Variants in RPTOR observed in about 807,000 individuals in gnomAD.
RPTOR encodes regulatory-associated protein of mTOR.
RPTOR carries 21 observed loss-of-function variants against 169.9 expected under a neutral mutation model. The ratio of observed to expected loss-of-function variants is 0.12; its 90% confidence interval spans 0.09 to 0.18. RPTOR has a LOEUF of 0.18. Ranked by LOEUF, RPTOR falls within the 10% of genes least tolerant of loss-of-function variation. RPTOR has a pLI of 1.00. For synonymous variants in RPTOR, 732 were observed against 753.2 expected, an observed-to-expected ratio of 0.97 and a Z score of 0.46; for missense variants, 1,133 against 1,855.9, an observed-to-expected ratio of 0.61 and a Z score of 7.16.
intron 23 of RPTOR, 71 bp downstream of exon 23, chr17:80,923,744 C>CA: frequency 1.4e-6 from 2 of 1,440,426 alleles, no homozygotes; most frequent in Non-Finnish European, 1.9e-6. Context: ...CTCATGGCCT[C>CA]AGCCTCAGGC....
rs185214884 is a variant in RPTOR, at chr17:80,600,657, C to T, written c.163-25034C>T. On this transcript the variant is annotated intron_variant, in intron 1 of 33. Coordinates refer to ENST00000306801, the MANE Select transcript of RPTOR (RefSeq NM_020761.3). ...GGTGGACTTGAGGAACTGCATGTTC[C>T]TGCACACAGGCTTCTCAGCTGGGCA... 7.9e-5 allele frequency among the ~76,000 whole-genome samples: 12 copies of T among 152,212 alleles called. No individual in the cohort carries two copies. In the East Asian group the frequency reaches 2.3e-3, roughly 29 times the overall value.
intron 1 of RPTOR, among the ~76,000 whole-genome samples, chr17:80,551,354 G>A (rs1009442886): frequency 1.4e-4 from 22 of 152,234 alleles, no homozygotes; most frequent in African/African-American, 5.1e-4. Context: ...GGAGGATCCC[G>A]CCAGCCTCAG....
intron 9 of RPTOR, among the ~76,000 whole-genome samples, chr17:80,831,917 C>T (rs1170898765): frequency 2.6e-5 from 4 of 152,184 alleles, no homozygotes; most frequent in Admixed American, 2.0e-4. Context: ...AACAAGAAGC[C>T]AGTCCATTCC....
At chr17:80,832,684 G>T (rs1375805392) in intron 9 of RPTOR, among the ~76,000 whole-genome samples, 1 of 152,176 alleles carries the variant, frequency 6.6e-6, no homozygotes, top group Non-Finnish European at 1.5e-5. Context: ...CTCACCATGG[G>T]AGCATCACCG....
At chr17:80,873,678 G>C (rs532474290) in intron 13 of RPTOR, among the ~76,000 whole-genome samples, 2 of 152,198 alleles carry the variant, frequency 1.3e-5, no homozygotes, top group Non-Finnish European at 2.9e-5. Context: ...CAATGAGCTC[G>C]GTGTGCCCCA....
At chr17:80,665,435 T>G (rs1387881353) in intron 3 of RPTOR, among the ~76,000 whole-genome samples, 226 of 17,590 alleles carry the variant, frequency 0.013, 12 homozygotes, top group African/African-American at 0.12. Flanking sequence ...TTCCTTTCCT[T>G]TCCTTTCCTT....
chr17:80,723,332 A>G (rs1465450024), intron 4 of RPTOR, among the ~76,000 whole-genome samples: 1 of 151,172 alleles, frequency 6.6e-6, no homozygotes, highest in African/African-American at 2.5e-5. Flanking sequence ...TGGTGTTCTA[A>G]TGGTGGTGCT....
chr17:80,828,975 C>A (rs2067474443), intron 9 of RPTOR, among the ~76,000 whole-genome samples: 1 of 152,188 alleles, frequency 6.6e-6, no homozygotes, highest in African/African-American at 2.4e-5. Context: ...ATACATAGTA[C>A]ACACAGCAAT....
At chr17:80,824,812 A>T (rs1027236134) in intron 9 of RPTOR, among the ~76,000 whole-genome samples, 2 of 152,270 alleles carry the variant, frequency 1.3e-5, no homozygotes, top group Admixed American at 1.3e-4. Context: ...TGATGTGCTC[A>T]GCTGCGCAGA....
intron 1 of RPTOR, among the ~76,000 whole-genome samples, chr17:80,616,839 G>A (rs1347358197): frequency 6.6e-6 from 1 of 152,114 alleles, no homozygotes; most frequent in Non-Finnish European, 1.5e-5. Flanking sequence ...AAGGACCAGA[G>A]TTCCCAGGAG....
intron 1 of RPTOR, among the ~76,000 whole-genome samples, chr17:80,559,612 C>T (rs547910662): frequency 6.6e-5 from 10 of 152,278 alleles, no homozygotes; most frequent in Non-Finnish European, 8.8e-5. Context: ...GAGAGGATGG[C>T]GCTCTGTCTT....
At chr17:80,685,617 ATATATATATATTTTTTTTTTTT>A (rs1168780968) in intron 3 of RPTOR, among the ~76,000 whole-genome samples, 5 of 12,230 alleles carry the variant, frequency 4.1e-4, no homozygotes, top group Non-Finnish European at 8.6e-4. Flanking sequence ...ATATATATAT[ATATATATATATTTTTTTTTTTT>A]TTTTTTTTTT....
intron 13 of RPTOR, among the ~76,000 whole-genome samples, chr17:80,863,002 CTCCCCTCATT>C (rs965309220): frequency 5.3e-5 from 8 of 152,238 alleles, no homozygotes; most frequent in Non-Finnish European, 8.8e-5. Context: ...AGCCTGGGAC[CTCCCCTCATT>C]TCCCAAGCAC....
chr17:80,841,947 ACAC>A (rs2067672620), intron 10 of RPTOR, among the ~76,000 whole-genome samples: 1 of 139,012 alleles, frequency 7.2e-6, no homozygotes, highest in African/African-American at 2.8e-5. Context: ...ACGGCAGCTC[ACAC>A]TCACCGCACG....
chr17:80,905,683 T>C (rs1204742715), intron 20 of RPTOR, among the ~76,000 whole-genome samples: 1 of 152,064 alleles, frequency 6.6e-6, no homozygotes, highest in East Asian at 1.9e-4. Context: ...CCAGGGTCCT[T>C]ACCTGGAGTG....
Position 80,753,632 on chromosome 17 carries a change from C to CAAA in RPTOR, c.655-360_655-358dup, listed in dbSNP as rs35693819. On this transcript the variant is annotated intron_variant, in intron 5 of 33. Transcript: ENST00000306801. The stretch of plus-strand genomic sequence containing the variant: ...TGGGCGACAGAGCGAAACTCCGTCT[C>CAAA]AAAAAAAAAAAAAAAAAAAAGATTG... Among the ~76,000 whole-genome samples, 460 of 94,676 alleles carry CAAA rather than the reference C, an allele frequency of 4.9e-3. 15 individuals carry two copies. Among genetic ancestry groups the CAAA allele is most frequent in the African/African-American group, 6.7e-3 (148 of 22,162 alleles). The allele number at this position is 94,676 out of a possible 152,430, so 62.1% of individuals were successfully genotyped here. A position where few individuals can be genotyped will look rare whatever the true frequency, so the allele number is the denominator to read the frequency against.
chr17:80,728,440 C>T (rs938276008), intron 4 of RPTOR, among the ~76,000 whole-genome samples: 19 of 90,444 alleles, frequency 2.1e-4, no homozygotes, highest in Non-Finnish European at 4.5e-4. Context: ...TTTCAGTCCA[C>T]TCTGGGGTGT....
At chr17:80,880,369 G>T (rs924477649) in intron 13 of RPTOR, 46 bp from the exon 14 acceptor site, 1 of 1,530,280 alleles carries the variant, frequency 6.5e-7, no homozygotes. Flanking sequence ...TGTGGCATCT[G>T]CGGGACACTG....
At chr17:80,665,466 TCC>T (rs2065765950) in intron 3 of RPTOR, among the ~76,000 whole-genome samples, 1 of 36,042 alleles carries the variant, frequency 2.8e-5, no homozygotes, top group African/African-American at 2.7e-4. Context: ...TCCTTTCCTT[TCC>T]TTTCCTTTCC....
Sources: gnomAD v4.1 joint callset for allele counts (sites outside exome capture counted in the v4.1 genomes callset) on GRCh38, gnomAD v4.1.1 for gene constraint, MANE v1.5 for transcripts, NCBI Gene and HGNC (gene_info 2026-07-23, HGNC 2026-07-21) for gene names.